THSD7B: variants seen among roughly 807,000 people sequenced by gnomAD.
THSD7B encodes thrombospondin type-1 domain-containing protein 7B.
A neutral mutation model predicts 213.6 loss-of-function variants in THSD7B; 138 were observed. The observed-to-expected ratio is 0.65, with a 90% CI of 0.56 to 0.74. The LOEUF is 0.74. Ranked by LOEUF, THSD7B falls within the 30% of genes least tolerant of loss-of-function variation. The probability of loss-of-function intolerance (pLI) is 0.00; values close to 1 mark genes in which losing one functional copy is unlikely to be tolerated. For synonymous variants in THSD7B, 742 were observed against 687.0 expected (o/e 1.08, Z -1.25); for missense variants, 1,931 against 1,991.5 (o/e 0.97, Z 0.58).
At chr2:136,918,619 C>T (rs767786399) in intron 2 of THSD7B, among the ~76,000 whole-genome samples, 14 of 152,254 alleles carry the variant, frequency 9.2e-5, no homozygotes, top group Middle Eastern at 3.4e-3. Context: ...ACTCTCACTC[C>T]TTGGAGGTAA....
intron 27 of THSD7B, among the ~76,000 whole-genome samples, chr2:137,671,721 A>T (rs1683582792): frequency 6.6e-6 from 1 of 152,190 alleles, no homozygotes; most frequent in Non-Finnish European, 1.5e-5. Flanking sequence ...TATGGGGTTT[A>T]TAGGGATTAC....
rs1169225702 is a variant in THSD7B, at chr2:137,334,162, TTCTC to T, written c.2500+58140_2500+58143del. On this transcript the variant is annotated intron_variant, in intron 12 of 27. Transcript: ENST00000409968. ...GGTTCCAAATCATTCATTTCTTTCT[TTCTC>T]TCTTTCTCTCTCTCTCTCTCTCTCT... Among the ~76,000 whole-genome samples the T allele has an allele frequency of 1.4e-4, 12 of 87,006 alleles. No individual in the cohort carries two copies. The East Asian group carries it at 4.2e-3, about 31-fold the overall frequency. The allele number at this position is 87,006 out of a possible 152,430, so 57.1% of individuals were successfully genotyped here. A position where few individuals can be genotyped will look rare whatever the true frequency, so the allele number is the denominator to read the frequency against.
At chr2:137,285,581 CTTT>C (rs200149229) in intron 12 of THSD7B, among the ~76,000 whole-genome samples, 1 of 126,676 alleles carries the variant, frequency 7.9e-6, no homozygotes, top group South Asian at 2.6e-4. Flanking sequence ...TTCAGGAGCT[CTTT>C]TTTTTTTTTT....
intron 2 of THSD7B, among the ~76,000 whole-genome samples, chr2:136,913,147 C>T (rs566186221): frequency 6.6e-6 from 1 of 152,166 alleles, no homozygotes; most frequent in African/African-American, 2.4e-5. Context: ...GGAACTGGAG[C>T]AAAGGCGACT....
chr2:136,776,255 G>T (rs1681601427), intron 1 of THSD7B, among the ~76,000 whole-genome samples: 1 of 151,928 alleles, frequency 6.6e-6, no homozygotes, highest in Non-Finnish European at 1.5e-5. Flanking sequence ...TTGGATTCTG[G>T]GTTATATATG....
rs548366929 is a variant in THSD7B, at chr2:137,380,773, G to T, written c.2501-24840G>T. ...CCAAGGCAGACATCCAGTCCAGCAT[G>T]ACTCAGTGAATTTGGAACGCAGGCA... On this transcript the variant is annotated intron_variant, in intron 12 of 27. Transcript: ENST00000409968. Among the ~76,000 whole-genome samples the T allele has an allele frequency of 5.3e-5, 8 of 152,354 alleles. No individual in the cohort carries two copies. The South Asian group carries it at 1.2e-3, about 24-fold the overall frequency.
intron 17 of THSD7B, among the ~76,000 whole-genome samples, chr2:137,591,274 T>C (rs1681859690): frequency 6.6e-6 from 1 of 151,954 alleles, no homozygotes; most frequent in African/African-American, 2.4e-5. Flanking sequence ...ATTTACTATC[T>C]TTTGTAGTAA....
At chr2:136,806,581 C>T (rs1038661956) in intron 1 of THSD7B, among the ~76,000 whole-genome samples, 9 of 152,152 alleles carry the variant, frequency 5.9e-5, no homozygotes, top group African/African-American at 9.7e-5. Context: ...TTTACAGTCA[C>T]AGGAGAGATG....
At chr2:136,989,269 C>T (rs1418550663) in intron 2 of THSD7B, among the ~76,000 whole-genome samples, 1 of 152,048 alleles carries the variant, frequency 6.6e-6, no homozygotes, top group South Asian at 2.1e-4. Flanking sequence ...AAATGTGATC[C>T]CCAGTGTTGG....
intron 2 of THSD7B, among the ~76,000 whole-genome samples, chr2:137,018,947 A>C (rs1686392841): frequency 6.6e-6 from 1 of 152,142 alleles, no homozygotes; most frequent in South Asian, 2.1e-4. Flanking sequence ...TGTTTCAAAT[A>C]TCTTGGCATT....
At chr2:137,457,727 G>C (rs1283452045) in intron 15 of THSD7B, among the ~76,000 whole-genome samples, 1 of 152,130 alleles carries the variant, frequency 6.6e-6, no homozygotes, top group Non-Finnish European at 1.5e-5. Context: ...AGAGTGAAAA[G>C]CTCTCCCCTC....
Position 137,570,670 on chromosome 2 carries a change from T to G in THSD7B, c.3273-1736T>G, listed in dbSNP as rs184222105. Among the ~76,000 whole-genome samples the G allele has an allele frequency of 4.7e-4, 72 of 152,316 alleles. 1 individual carries two copies. The highest frequency in any genetic ancestry group is 1.6e-3 in the African/African-American group (67 of 41,572). On this transcript the variant is annotated intron_variant, in intron 16 of 27. Transcript: ENST00000409968. ...AGTGCTTATTTCTTAACCTTGACAT[T>G]GTATCTGAATTGCTAGATCAGCAAA... is the stretch of plus-strand genomic sequence containing the variant.
chr2:137,137,359 A>G (rs1293777967), intron 5 of THSD7B, among the ~76,000 whole-genome samples: 1 of 152,134 alleles, frequency 6.6e-6, no homozygotes, highest in African/African-American at 2.4e-5. Flanking sequence ...CTGTTCTAGG[A>G]TTTTGTATAA....
At position 137,646,808 on chromosome 2, in the gene THSD7B, C is replaced by G. The variant is rs1192173067; in HGVS notation, c.3945+4175C>G. On this transcript the variant is annotated intron_variant, in intron 21 of 27. Transcript: ENST00000409968. ...ATAGCAACATGAACAGACTAAGAGA[C>G]TATCTTAGATAAATAAATCATAATT... Among the ~76,000 whole-genome samples, 3 of 152,130 alleles carry G rather than the reference C, an allele frequency of 2.0e-5. No homozygotes were observed. The East Asian group carries it at 5.8e-4, about 29-fold the overall frequency.
At chr2:136,858,393 G>C (rs1683207511) in intron 1 of THSD7B, among the ~76,000 whole-genome samples, 1 of 152,158 alleles carries the variant, frequency 6.6e-6, no homozygotes, top group South Asian at 2.1e-4. Context: ...GCTCTCTTAA[G>C]TTGTTATTGC....
chr2:137,151,305 T>A (rs1169613964), intron 5 of THSD7B, among the ~76,000 whole-genome samples: 4 of 152,168 alleles, frequency 2.6e-5, no homozygotes, highest in Non-Finnish European at 5.9e-5. Context: ...TTTCCATTTT[T>A]AACTTTTTTT....
At chr2:137,297,619 C>T (rs1392701963) in intron 12 of THSD7B, among the ~76,000 whole-genome samples, 2 of 152,036 alleles carry the variant, frequency 1.3e-5, no homozygotes, top group Non-Finnish European at 2.9e-5. Flanking sequence ...CAAATCTCAA[C>T]TTGAATTTTA....
intron 10 of THSD7B, among the ~76,000 whole-genome samples, chr2:137,261,356 A>G (rs1352893069): frequency 1.3e-5 from 2 of 152,188 alleles, no homozygotes; most frequent in African/African-American, 2.4e-5. Context: ...CCTATCCTGC[A>G]CACTAACCTG....
At chr2:137,480,887 T>G (rs755430194) in intron 15 of THSD7B, among the ~76,000 whole-genome samples, 1 of 152,252 alleles carries the variant, frequency 6.6e-6, no homozygotes, top group Non-Finnish European at 1.5e-5. Flanking sequence ...CTGCTATGTT[T>G]GTGTCTCCTC....
Sources: allele counts gnomAD v4.1 joint callset (sites outside exome capture counted in the v4.1 genomes callset), GRCh38; gene constraint gnomAD v4.1.1; transcripts MANE v1.5; gene names NCBI Gene and HGNC (gene_info 2026-07-23, HGNC 2026-07-21).